The following KIAA1217 variants were observed in gnomAD, a reference collection of about 807,000 sequenced individuals.
KIAA1217 encodes KIAA1217, also known as sickle tail protein homolog.
A neutral mutation model predicts 163.9 loss-of-function variants in KIAA1217; 88 were observed. That is an observed-to-expected ratio of 0.54 (90% CI 0.45 to 0.64). The LOEUF is 0.64. Among genes scored for constraint, KIAA1217 ranks in the 30% least tolerant of loss-of-function variants. The pLI is 0.00. For synonymous variants in KIAA1217, 903 were observed against 923.1 expected, an observed-to-expected ratio of 0.98 and a Z score of 0.39; for missense variants, 2,372 against 2,475.0, an observed-to-expected ratio of 0.96 and a Z score of 0.88.
intron 1 of KIAA1217, among the ~76,000 whole-genome samples, chr10:23,948,280 G>T (rs555550929): frequency 1.3e-5 from 2 of 152,178 alleles, no homozygotes; most frequent in Non-Finnish European, 2.9e-5. Flanking sequence ...GCATAGGGTT[G>T]TTGTAATAAT....
chr10:24,511,654 A>G (rs561902954), intron 9 of KIAA1217, among the ~76,000 whole-genome samples: 2 of 152,342 alleles, frequency 1.3e-5, no homozygotes, highest in East Asian at 3.9e-4. Context: ...TCTCAAAAAA[A>G]ACAAACAAGC....
At chr10:23,787,169 T>C (rs1835529676) in intron 1 of KIAA1217, among the ~76,000 whole-genome samples, 1 of 152,206 alleles carries the variant, frequency 6.6e-6, no homozygotes, top group Non-Finnish European at 1.5e-5. Flanking sequence ...ATGAATTAGC[T>C]CATATTTCCA....
At chr10:24,361,982 C>CAA (rs68117028) in intron 2 of KIAA1217, among the ~76,000 whole-genome samples, 48 of 100,488 alleles carry the variant, frequency 4.8e-4, no homozygotes, top group East Asian at 7.9e-4. Context: ...GACTCTGTCT[C>CAA]AAAAAAAAAA....
intron 2 of KIAA1217, among the ~76,000 whole-genome samples, chr10:24,129,774 A>G (rs1347024560): frequency 5.9e-5 from 9 of 152,060 alleles, no homozygotes; most frequent in Admixed American, 5.9e-4. Flanking sequence ...CCTCCTGTCC[A>G]GTGGACCATC....
At chr10:23,796,359 A>G (rs530694944) in intron 1 of KIAA1217, among the ~76,000 whole-genome samples, 1 of 151,372 alleles carries the variant, frequency 6.6e-6, no homozygotes, top group South Asian at 2.1e-4. Context: ...TTATTTATTT[A>G]TTTATTTATT....
intron 1 of KIAA1217, among the ~76,000 whole-genome samples, chr10:23,813,350 A>G (rs906653169): frequency 4.6e-5 from 7 of 152,066 alleles, no homozygotes; most frequent in African/African-American, 1.7e-4. Context: ...TTTGCAAAAT[A>G]AATAATTCCT....
Position 24,281,340 on chromosome 10 carries a change from A to G in KIAA1217, c.354+61431A>G, listed in dbSNP as rs546149531. 8.1e-4 allele frequency among the ~76,000 whole-genome samples: 124 copies of G among 152,324 alleles called. 1 individual carries two copies. Among genetic ancestry groups the G allele is most frequent in the Middle Eastern group, 3.4e-3 (1 of 294 alleles). On this transcript the variant is annotated intron_variant, in intron 2 of 20. Transcript: ENST00000376454. ...AGTATACATGAATTACAAGATCAGA[A>G]TTGTTAACCCATGCCCTGTGGGAAA...
chr10:24,025,019 G>A (rs1052371079), intron 2 of KIAA1217, among the ~76,000 whole-genome samples: 3 of 151,670 alleles, frequency 2.0e-5, no homozygotes, highest in African/African-American at 2.4e-5. Context: ...AAGAGCTAAT[G>A]TTTTTAATTG....
chr10:24,033,628 GA>G (rs1328259133), intron 2 of KIAA1217, among the ~76,000 whole-genome samples: 1 of 152,182 alleles, frequency 6.6e-6, no homozygotes, highest in Non-Finnish European at 1.5e-5. Context: ...TTTGGAACCA[GA>G]ACAGAGTTCA....
chr10:23,965,472 A>G (rs1302264442), intron 1 of KIAA1217, among the ~76,000 whole-genome samples: 1 of 152,216 alleles, frequency 6.6e-6, no homozygotes. Flanking sequence ...GTTTCCAGCT[A>G]GTTTCCACCT....
chr10:24,258,013 T>G (rs1217129089), intron 2 of KIAA1217, among the ~76,000 whole-genome samples: 1 of 152,008 alleles, frequency 6.6e-6, no homozygotes, highest in Non-Finnish European at 1.5e-5. Flanking sequence ...TACTTGTACC[T>G]TGCGCTTTTA....
At chr10:24,014,321 T>C (rs954461073) in intron 2 of KIAA1217, among the ~76,000 whole-genome samples, 2 of 152,206 alleles carry the variant, frequency 1.3e-5, no homozygotes, top group Non-Finnish European at 2.9e-5. Flanking sequence ...GGAGAAACTA[T>C]GTGTTCTCAT....
rs146722176 is a variant in KIAA1217, at chr10:23,889,419, C to T, written c.-320-117806C>T. 5.9e-5 allele frequency among the ~76,000 whole-genome samples: 9 copies of T among 151,992 alleles called. No individual in the cohort carries two copies. The East Asian group carries it at 1.6e-3, about 26-fold the overall frequency. The stretch of plus-strand genomic sequence containing the variant: ...CATGATGCTGAGCACCTTTGATAGG[C>T]TATTATCCATTTACATAACTTCTTG... On this transcript the variant is annotated intron_variant, in intron 1 of 18. Transcript: ENST00000376462.
At chr10:24,315,932 G>A (rs561858597) in intron 2 of KIAA1217, among the ~76,000 whole-genome samples, 1 of 148,746 alleles carries the variant, frequency 6.7e-6, no homozygotes, top group South Asian at 2.3e-4. Flanking sequence ...TATCTAATGG[G>A]GGGGGGGAAT....
intron 2 of KIAA1217, among the ~76,000 whole-genome samples, chr10:24,238,003 T>C (rs970258336): frequency 6.6e-6 from 1 of 151,922 alleles, no homozygotes; most frequent in African/African-American, 2.4e-5. Flanking sequence ...TTTTAACCTA[T>C]GATTGCTCTC....
chr10:23,773,798 T>C (rs1303346453), intron 1 of KIAA1217, among the ~76,000 whole-genome samples: 4 of 152,144 alleles, frequency 2.6e-5, no homozygotes, highest in South Asian at 2.1e-4. Flanking sequence ...GTGATTTTTG[T>C]ACATTGATTT....
At chr10:24,521,647 A>T in intron 11 of KIAA1217, 135 bp from the exon 12 acceptor site, 1 of 1,041,204 alleles carries the variant, frequency 9.6e-7, no homozygotes, top group Non-Finnish European at 1.4e-6. Flanking sequence ...CTCTTAACCC[A>T]CTGCCACCTG....
intron 6 of KIAA1217, among the ~76,000 whole-genome samples, chr10:24,486,849 G>A (rs2065469649): frequency 6.6e-6 from 1 of 152,056 alleles, no homozygotes; most frequent in African/African-American, 2.4e-5. Context: ...TTCGCTAATG[G>A]TCAGTAGAAT....
intron 2 of KIAA1217, among the ~76,000 whole-genome samples, chr10:24,222,129 G>A (rs1330473508): frequency 6.6e-6 from 1 of 152,166 alleles, no homozygotes; most frequent in Non-Finnish European, 1.5e-5. Flanking sequence ...GGTGGCTTTG[G>A]TTAAAACAAT....
Sources: gnomAD v4.1 joint callset for allele counts (sites outside exome capture counted in the v4.1 genomes callset) on GRCh38, gnomAD v4.1.1 for gene constraint, MANE v1.5 for transcripts, NCBI Gene and HGNC (gene_info 2026-07-23, HGNC 2026-07-21) for gene names.